The following NKAIN2 variants were observed in gnomAD, a reference collection of about 807,000 sequenced individuals.
NKAIN2 encodes the protein sodium/potassium transporting ATPase interacting 2.
In NKAIN2, 14 loss-of-function variants were observed where a neutral mutation model predicts 32.6. That is an observed-to-expected ratio of 0.43 (90% CI 0.28 to 0.67). The LOEUF is 0.67. NKAIN2 is among the 30% of genes least tolerant of loss of function. NKAIN2 has a pLI of 0.17. For missense variants in NKAIN2, 198 were observed against 258.3 expected (o/e 0.77, Z 1.60); for synonymous variants, 80 against 87.2 (o/e 0.92, Z 0.46).
intron 1 of NKAIN2, among the ~76,000 whole-genome samples, chr6:123,911,145 A>G (rs1775158175): frequency 6.6e-6 from 1 of 152,104 alleles, no homozygotes; most frequent in Non-Finnish European, 1.5e-5. Flanking sequence ...AGGAATATGT[A>G]TATACTTTTT....
At chr6:123,998,080 A>G (rs1779705420) in intron 1 of NKAIN2, among the ~76,000 whole-genome samples, 1 of 152,094 alleles carries the variant, frequency 6.6e-6, no homozygotes, top group Non-Finnish European at 1.5e-5. Context: ...GCTAATTAGA[A>G]CTATAGGTTT....
At chr6:124,203,837 C>T (rs802226) in intron 1 of NKAIN2, among the ~76,000 whole-genome samples, 104,427 of 151,538 alleles carry the variant, frequency 0.69, 36,177 homozygotes, top group South Asian at 0.75. Flanking sequence ...TTAAGTGTCA[C>T]GAAAGATGAA....
intron 3 of NKAIN2, among the ~76,000 whole-genome samples, chr6:124,451,783 C>T (rs1428704070): frequency 1.3e-5 from 2 of 151,308 alleles, no homozygotes; most frequent in African/African-American, 4.8e-5. Context: ...AAGGAATATT[C>T]TAACAGTGAT....
At chr6:123,917,875 G>T (rs958169412) in intron 1 of NKAIN2, among the ~76,000 whole-genome samples, 1 of 152,070 alleles carries the variant, frequency 6.6e-6, no homozygotes, top group African/African-American at 2.4e-5. Context: ...AAACTGCAGT[G>T]GTTTGTGGAG....
intron 1 of NKAIN2, among the ~76,000 whole-genome samples, chr6:123,933,553 G>C (rs189676769): frequency 6.6e-6 from 1 of 152,194 alleles, no homozygotes; most frequent in East Asian, 1.9e-4. Flanking sequence ...GAAACTACGG[G>C]TTCCTTTGTC....
chr6:124,719,798 A>C (rs928331691), intron 4 of NKAIN2, among the ~76,000 whole-genome samples: 1 of 151,950 alleles, frequency 6.6e-6, no homozygotes, highest in Non-Finnish European at 1.5e-5. Flanking sequence ...CTGCTTGTTC[A>C]TATTGTAATG....
chr6:124,471,628 G>T (rs1414372787), intron 3 of NKAIN2, among the ~76,000 whole-genome samples: 1 of 152,020 alleles, frequency 6.6e-6, no homozygotes, highest in Non-Finnish European at 1.5e-5. Context: ...AAATCTAAAG[G>T]CTTCAGCTTA....
chr6:124,277,233 A>T (rs1242543757), intron 1 of NKAIN2, among the ~76,000 whole-genome samples: 1 of 152,186 alleles, frequency 6.6e-6, no homozygotes, highest in Non-Finnish European at 1.5e-5. Context: ...GTAAAAACAA[A>T]CAAACGAATG....
chr6:124,796,145 C>T (rs2114819108), intron 5 of NKAIN2, among the ~76,000 whole-genome samples: 1 of 152,208 alleles, frequency 6.6e-6, no homozygotes, highest in Middle Eastern at 3.4e-3. Context: ...ACACTCCTTC[C>T]CCCATGAATT....
At chr6:124,159,647 A>G (rs1050165584) in intron 1 of NKAIN2, among the ~76,000 whole-genome samples, 17 of 152,188 alleles carry the variant, frequency 1.1e-4, no homozygotes, top group African/African-American at 4.1e-4. Context: ...AAAGAAAACT[A>G]AATTATATCC....
At chr6:124,190,328 A>C (rs1562412009) in intron 1 of NKAIN2, among the ~76,000 whole-genome samples, 1 of 152,234 alleles carries the variant, frequency 6.6e-6, no homozygotes. Context: ...GTTAGCAATT[A>C]CCTTAAATGA....
intron 1 of NKAIN2, among the ~76,000 whole-genome samples, chr6:124,194,444 C>T (rs1029818702): frequency 4.6e-5 from 7 of 151,936 alleles, no homozygotes; most frequent in South Asian, 2.1e-4. Flanking sequence ...TTTATATCTA[C>T]TCTGGCAATA....
At chr6:124,520,631 A>G (rs1418267784) in intron 3 of NKAIN2, among the ~76,000 whole-genome samples, 1 of 152,218 alleles carries the variant, frequency 6.6e-6, no homozygotes, top group African/African-American at 2.4e-5. Flanking sequence ...CAAAGAATAC[A>G]GAGATTCGAA....
chr6:124,640,519 G>A (rs1030449033), intron 3 of NKAIN2, among the ~76,000 whole-genome samples: 5 of 152,088 alleles, frequency 3.3e-5, no homozygotes, highest in Admixed American at 6.5e-5. Flanking sequence ...ATACCTGTGG[G>A]GAGGGAACAA....
chr6:124,484,650 A>G (rs1023425046), intron 3 of NKAIN2, among the ~76,000 whole-genome samples: 1 of 152,198 alleles, frequency 6.6e-6, no homozygotes, highest in Non-Finnish European at 1.5e-5. Flanking sequence ...GGCAAGATAT[A>G]TGTGAGATAA....
At position 123,830,404 on chromosome 6, in the gene NKAIN2, C is replaced by G. The variant is rs375275747; in HGVS notation, c.54+26150C>G. 2.0e-5 allele frequency among the ~76,000 whole-genome samples: 3 copies of G among 152,166 alleles called. No individual in the cohort carries two copies. The East Asian group carries it at 5.8e-4, about 29-fold the overall frequency. ...CATAATTTACAAGGACATGCCTGGC[C>G]TAACCCCTTCCCTGTCTCACTCCCC... On this transcript the variant is annotated intron_variant, in intron 1 of 6. Coordinates refer to ENST00000368417, the MANE Select transcript of NKAIN2 (RefSeq NM_001040214.3).
intron 2 of NKAIN2, among the ~76,000 whole-genome samples, chr6:124,327,127 C>A (rs1487173587): frequency 6.6e-6 from 1 of 151,874 alleles, no homozygotes; most frequent in Non-Finnish European, 1.5e-5. Context: ...CCACACCCAC[C>A]CATATTCTGA....
chr6:124,580,894 C>T (rs1781493756), intron 3 of NKAIN2, among the ~76,000 whole-genome samples: 1 of 151,912 alleles, frequency 6.6e-6, no homozygotes, highest in African/African-American at 2.4e-5. Context: ...AATAGCTATA[C>T]TTAGACGAAA....
chr6:124,779,032 G>T (rs894963204), intron 4 of NKAIN2, among the ~76,000 whole-genome samples: 3 of 151,756 alleles, frequency 2.0e-5, no homozygotes, highest in Admixed American at 6.6e-5. Flanking sequence ...TGTCAGGAGC[G>T]CAAGACCAGC....
Sources: allele counts gnomAD v4.1 joint callset (sites outside exome capture counted in the v4.1 genomes callset), GRCh38; gene constraint gnomAD v4.1.1; transcripts MANE v1.5; gene names NCBI Gene and HGNC (gene_info 2026-07-23, HGNC 2026-07-21).